APOOL: variants seen among roughly 807,000 people sequenced by gnomAD.
APOOL encodes the protein apolipoprotein O like, also known as MICOS complex subunit MIC27.
Under a neutral mutation model 23.1 loss-of-function variants are expected in APOOL, and 12 were observed. That is an observed-to-expected ratio of 0.52 (90% CI 0.33 to 0.84). The LOEUF is 0.84. Ranked by LOEUF, APOOL falls within the 40% of genes least tolerant of loss-of-function variation. The pLI is 0.02. For missense variants in APOOL, 212 were observed against 199.6 expected (o/e 1.06, Z -0.37); for synonymous variants, 77 against 69.9 (o/e 1.10, Z -0.51).
At position 85,028,039 on chromosome X, in the gene APOOL, C is replaced by T. The variant is rs145339396; in HGVS notation, c.16-18407C>T. Reference sequence around the variant, plus strand: ...TGATTGCTGAGTCCTATGGTAATTACGTTTAGTTGTTTTAAAAAATGATTC... The same window carrying T: ...TGATTGCTGAGTCCTATGGTAATTATGTTTAGTTGTTTTAAAAAATGATTC... On this transcript the variant is annotated intron_variant, in intron 1 of 8. Transcript: ENST00000373173. 5.7e-3 allele frequency among the ~76,000 whole-genome samples: 628 copies of T among 111,106 alleles called. 3 individuals are homozygous for T. The highest frequency in any genetic ancestry group is 0.014 in the Middle Eastern group (3 of 217).
rs1924400827 is a variant in APOOL, at chrX:85,088,132, A to G, written c.*454A>G. The G allele has an allele frequency of 2.9e-5, 1 of 34,471 alleles. No homozygotes were observed. Among genetic ancestry groups the G allele is most frequent in the Admixed American group, 3.3e-4 (1 of 3,066 alleles). The allele number at this position is 34,471 out of a possible 1,213,427, so 2.8% of individuals were successfully genotyped here. A position where few individuals can be genotyped will look rare whatever the true frequency, so the allele number is the denominator to read the frequency against. On this transcript the variant is annotated 3_prime_UTR_variant, in exon 9 of 9. Transcript: ENST00000373173. The stretch of plus-strand genomic sequence containing the variant: ...TACATATATGTATAAATACATACAT[A>G]TTTATACATATATGTATAAATACAT...
At chrX:85,085,126 A>T (rs189643298) in intron 8 of APOOL, among the ~76,000 whole-genome samples, 11 of 111,983 alleles carry the variant, frequency 9.8e-5, no homozygotes, top group African/African-American at 3.6e-4. Context: ...TTAAACAACA[A>T]TATCTAACAA....
At position 85,055,935 on chromosome X, in the gene APOOL, T is replaced by A; in HGVS notation, c.394+10T>A. ...GTTTCAGCGAGAAAAGGTAGGGTTTTAAAAAATATATTCTCTCTTAATGCC... is the reference window on the plus strand; with the variant it reads ...GTTTCAGCGAGAAAAGGTAGGGTTTAAAAAAATATATTCTCTCTTAATGCC... On this transcript the variant is annotated intron_variant, in intron 5 of 8. Transcript: ENST00000373173. The A allele has an allele frequency of 8.8e-7, 1 of 1,138,013 alleles. No homozygotes were observed. The highest frequency in any genetic ancestry group is 1.2e-6 in the Non-Finnish European group (1 of 843,025). The allele number at this position is 1,138,013 out of a possible 1,213,427, so 93.8% of individuals were successfully genotyped here. A position where few individuals can be genotyped will look rare whatever the true frequency, so the allele number is the denominator to read the frequency against.
chrX:85,010,389 G>A (rs930361312), intron 1 of APOOL, among the ~76,000 whole-genome samples: 2 of 111,741 alleles, frequency 1.8e-5, no homozygotes, highest in African/African-American at 6.5e-5. Flanking sequence ...TCAGGAACAG[G>A]TGGTTTTAGG....
chrX:85,073,253 A>G (rs1246243991), intron 6 of APOOL, among the ~76,000 whole-genome samples: 1 of 111,501 alleles, frequency 9.0e-6, no homozygotes, highest in Non-Finnish European at 1.9e-5. Context: ...AAAATACCTC[A>G]AAACATCTTC....
rs752255967 is a variant in APOOL at position 85,076,995 on chromosome X, T to TTATATATATATATATATA, written c.718+2609_718+2626dup. Among the ~76,000 whole-genome samples the TTATATATATATATATATA allele has an allele frequency of 2.3e-3, 191 of 82,454 alleles. 2 individuals are homozygous for TTATATATATATATATATA. Among genetic ancestry groups the TTATATATATATATATATA allele is most frequent in the African/African-American group, 9.3e-3 (179 of 19,189 alleles). The allele number at this position is 82,454 out of a possible 115,157, so 71.6% of individuals were successfully genotyped here. A position where few individuals can be genotyped will look rare whatever the true frequency, so the allele number is the denominator to read the frequency against. Reference sequence around the variant, plus strand: ...TTTTTAGGTGATAAATTTGCTAAACTTATATATATATATATATATATACGT... The same window carrying TTATATATATATATATATA: ...TTTTTAGGTGATAAATTTGCTAAACTTATATATATATATATATATATATATATATATATATATATACGT... On this transcript the variant is annotated intron_variant, in intron 8 of 8. Coordinates refer to ENST00000373173, the MANE Select transcript of APOOL (RefSeq NM_198450.6).
intron 2 of APOOL, among the ~76,000 whole-genome samples, chrX:85,048,186 A>C (rs1157252373): frequency 1.8e-5 from 2 of 111,468 alleles, no homozygotes; most frequent in African/African-American, 3.2e-5. Context: ...AGCTCCTCTT[A>C]TATATTTGTG....
At chrX:85,069,058 A>G (rs1371308473) in intron 6 of APOOL, among the ~76,000 whole-genome samples, 2 of 112,122 alleles carry the variant, frequency 1.8e-5, no homozygotes, top group Admixed American at 1.9e-4. Flanking sequence ...CTAATATAAG[A>G]GATTAATTTT....
intron 1 of APOOL, among the ~76,000 whole-genome samples, chrX:85,008,898 C>G (rs1921175205): frequency 9.0e-6 from 1 of 111,380 alleles, no homozygotes; most frequent in Admixed American, 9.6e-5. Context: ...GGATATCTTG[C>G]CATTCATTTG....
intron 5 of APOOL, among the ~76,000 whole-genome samples, chrX:85,065,318 TTGTCTTTTTGTCCAGCTTACCATCCTG>T (rs1169675816): frequency 1.8e-5 from 2 of 111,967 alleles, no homozygotes; most frequent in African/African-American, 6.5e-5. Context: ...CCAATGGGTC[TTGTCTTTTTGTCCAGCTTACCATCCTG>T]TGTCTTTAAT....
rs764932576 is a variant in APOOL at position 85,044,533 on chromosome X, G to T, written c.16-1913G>T. On this transcript the variant is annotated intron_variant, in intron 1 of 8. Coordinates refer to ENST00000373173, the MANE Select transcript of APOOL (RefSeq NM_198450.6). Reference sequence around the variant, plus strand: ...TGACCTCAGGTGATCCACCCGCCTCGGCCTTCCAAAGTGCTGGGATTACAG... The same window carrying T: ...TGACCTCAGGTGATCCACCCGCCTCTGCCTTCCAAAGTGCTGGGATTACAG... Among the ~76,000 whole-genome samples, 5 of 110,474 alleles carry T rather than the reference G, an allele frequency of 4.5e-5. No homozygotes were observed. The Admixed American group carries it at 4.9e-4, about 11-fold the overall frequency.
chrX:85,051,596 A>T lies in APOOL; in HGVS notation c.240+88A>T. ...CTGATGTGTAGAAAACTAATCCAAAACTTAATGGCTTAAAACCACAACCAT... is the reference window on the plus strand; with the variant it reads ...CTGATGTGTAGAAAACTAATCCAAATCTTAATGGCTTAAAACCACAACCAT... On this transcript the variant is annotated intron_variant, in intron 3 of 8. Coordinates refer to ENST00000373173, the MANE Select transcript of APOOL (RefSeq NM_198450.6). The T allele has an allele frequency of 6.5e-6, 7 of 1,082,798 alleles. No homozygotes were observed. In the South Asian group the frequency reaches 1.4e-4, roughly 22 times the overall value. The allele number at this position is 1,082,798 out of a possible 1,213,427, so 89.2% of individuals were successfully genotyped here.
chrX:85,045,320 C>G, intron 1 of APOOL, among the ~76,000 whole-genome samples: 1 of 111,764 alleles, frequency 8.9e-6, no homozygotes, highest in Non-Finnish European at 1.9e-5. Flanking sequence ...CAGCCCCAAT[C>G]TAAATCAGAG....
chrX:85,093,285 T>C lies in APOOL; in HGVS notation c.*5607T>C. 9 of 1,042,138 alleles carry C rather than the reference T, an allele frequency of 8.6e-6. No homozygotes were observed. Among genetic ancestry groups the C allele is most frequent in the Non-Finnish European group, 1.2e-5 (9 of 767,701 alleles). 85.9% of individuals were successfully genotyped at this position (1,042,138 alleles called of 1,213,427 possible). A position where few individuals can be genotyped will look rare whatever the true frequency, so the allele number is the denominator to read the frequency against. On this transcript the variant is annotated 3_prime_UTR_variant, in exon 9 of 9. Transcript: ENST00000373173. ...ATTTCACTTAACTTGTTATTTGCTT[T>C]AGTTTAAAATAAATAATATCTAAAA... is the stretch of plus-strand genomic sequence containing the variant.
rs745665746 is a variant in APOOL, at chrX:85,092,423, C to G, written c.*4745C>G. On this transcript the variant is annotated 3_prime_UTR_variant, in exon 9 of 9. Transcript: ENST00000373173. Reference sequence around the variant, plus strand: ...TCCCATGCCATGTCCAGGAGTTCTTCTCTGTTAAACCTGAAGAGATGCCAG... The same window carrying G: ...TCCCATGCCATGTCCAGGAGTTCTTGTCTGTTAAACCTGAAGAGATGCCAG... 45 of 1,182,552 alleles carry G rather than the reference C, an allele frequency of 3.8e-5. No individual in the cohort carries two copies. The highest frequency in any genetic ancestry group is 4.8e-5 in the Admixed American group (2 of 41,688).
In APOOL at chrX:85,091,589, A is replaced by G. The variant is rs1924518209; in HGVS notation, c.*3911A>G. The G allele has an allele frequency of 8.9e-6, 1 of 112,017 alleles. No individual in the cohort carries two copies. Among genetic ancestry groups the G allele is most frequent in the Admixed American group, 9.5e-5 (1 of 10,582 alleles). The allele number at this position is 112,017 out of a possible 1,213,427, so 9.2% of individuals were successfully genotyped here. ...TGCAGCACAGGACACAAAAGTTAGA[A>G]TTATTTCAAAGGACTTATACTCTAC... On this transcript the variant is annotated 3_prime_UTR_variant, in exon 9 of 9. Coordinates refer to ENST00000373173, the MANE Select transcript of APOOL (RefSeq NM_198450.6).
At chrX:85,043,931 T>G (rs2147642858) in intron 1 of APOOL, among the ~76,000 whole-genome samples, 1 of 111,674 alleles carries the variant, frequency 9.0e-6, no homozygotes, top group Admixed American at 9.5e-5. Context: ...ATATAACTCC[T>G]TATTTAATCC....
At chrX:85,083,118 A>G (rs1373114922) in intron 8 of APOOL, among the ~76,000 whole-genome samples, 4 of 111,152 alleles carry the variant, frequency 3.6e-5, no homozygotes, top group African/African-American at 1.3e-4. Context: ...AAAGAGAGCA[A>G]GGGCACCCCT....
At chrX:85,009,394 A>G (rs1043358504) in intron 1 of APOOL, among the ~76,000 whole-genome samples, 7 of 111,807 alleles carry the variant, frequency 6.3e-5, no homozygotes, top group Admixed American at 1.9e-4. Context: ...TATGGCTTTT[A>G]TTATGTTGAG....
Sources: gnomAD v4.1 joint callset for allele counts (sites outside exome capture counted in the v4.1 genomes callset) on GRCh38, gnomAD v4.1.1 for gene constraint, MANE v1.5 for transcripts, NCBI Gene and HGNC (gene_info 2026-07-23, HGNC 2026-07-21) for gene names.